The following SGCD variants were observed in gnomAD, a reference collection of about 807,000 sequenced individuals.
SGCD encodes the protein sarcoglycan delta, also known as delta-sarcoglycan.
A neutral mutation model predicts 36.6 loss-of-function variants in SGCD; 18 were observed. The ratio of observed to expected loss-of-function variants is 0.49; its 90% CI spans 0.34 to 0.73. The LOEUF (loss-of-function observed/expected upper bound fraction) is 0.73, where lower values mean the gene tolerates loss of function less well. Among genes scored for constraint, SGCD ranks in the 30% least tolerant of loss-of-function variants. The pLI is 0.01. For missense variants in SGCD, 387 were observed against 346.7 expected, an observed-to-expected ratio of 1.12 and a Z score of -0.92; for synonymous variants, 133 against 130.6, an observed-to-expected ratio of 1.02 and a Z score of -0.12.
At position 156,083,773 on chromosome 5, in the gene SGCD, GT is replaced by G. The variant is rs572912826; in HGVS notation, c.-281-34095del. ...GTGTAAAGTGTGAGCTTTAGATCAG[GT>G]TTTTTTTTTGTTTTGTTTTTGTTTT... On this transcript the variant is annotated intron_variant, in intron 1 of 9. Transcript: ENST00000517913. 2.1e-3 allele frequency among the ~76,000 whole-genome samples: 314 copies of G among 147,328 alleles called. 2 individuals are homozygous for G. Among genetic ancestry groups the G allele is most frequent in the African/African-American group, 6.8e-3 (273 of 40,312 alleles).
the SGCD span, among the ~76,000 whole-genome samples, chr5:155,732,356 G>A: frequency 1.5e-3 from 235 of 152,328 alleles, no homozygotes; most frequent in Middle Eastern, 0.01. Flanking sequence ...GAGTCCAGGC[G>A]TGGTTGACTT....
chr5:156,191,919 GCAAAAACAAAAA>G (rs1364427759), intron 3 of SGCD, among the ~76,000 whole-genome samples: 1 of 152,034 alleles, frequency 6.6e-6, no homozygotes, highest in Non-Finnish European at 1.5e-5. Flanking sequence ...CTGTTGAAAA[GCAAAAACAAAAA>G]CAAAAACAAA....
chr5:156,069,437 T>C (rs1049868855), intron 1 of SGCD, among the ~76,000 whole-genome samples: 2 of 152,240 alleles, frequency 1.3e-5, no homozygotes, highest in South Asian at 4.1e-4. Flanking sequence ...TAGTTGTAGA[T>C]ATGTGGCGTT....
chr5:156,379,280 G>A (rs1346779332), intron 3 of SGCD, among the ~76,000 whole-genome samples: 2 of 152,266 alleles, frequency 1.3e-5, no homozygotes, highest in East Asian at 3.9e-4. Context: ...TGTCATTGGA[G>A]GATTAGAGTT....
chr5:156,242,861 A>G (rs1049531041), intron 3 of SGCD, among the ~76,000 whole-genome samples: 6 of 152,140 alleles, frequency 3.9e-5, no homozygotes, highest in African/African-American at 1.4e-4. Flanking sequence ...TTCTGCACAG[A>G]ATCCCAGAAC....
intron 3 of SGCD, among the ~76,000 whole-genome samples, chr5:156,498,146 C>T (rs938917247): frequency 1.3e-5 from 2 of 151,940 alleles, no homozygotes; most frequent in Non-Finnish European, 2.9e-5. Flanking sequence ...ACCTCTTTCC[C>T]CAAGCACTTA....
At chr5:156,496,998 A>T (rs886098133) in intron 3 of SGCD, among the ~76,000 whole-genome samples, 4 of 152,126 alleles carry the variant, frequency 2.6e-5, no homozygotes, top group African/African-American at 4.8e-5. Context: ...CTCAATTTAG[A>T]AGTTAGAATT....
At chr5:156,194,306 G>A (rs1286424457) in intron 3 of SGCD, among the ~76,000 whole-genome samples, 2 of 152,164 alleles carry the variant, frequency 1.3e-5, no homozygotes, top group African/African-American at 4.8e-5. Flanking sequence ...TTGGGCCTGG[G>A]AGGTAGAGGT....
At chr5:156,116,881 T>C (rs1761917880) in intron 1 of SGCD, among the ~76,000 whole-genome samples, 1 of 152,082 alleles carries the variant, frequency 6.6e-6, no homozygotes, top group Non-Finnish European at 1.5e-5. Context: ...GTGCCAATAA[T>C]GATGATAGTC....
intron 6 of SGCD, among the ~76,000 whole-genome samples, chr5:156,616,629 T>G (rs1014823687): frequency 6.6e-6 from 1 of 152,166 alleles, no homozygotes; most frequent in African/African-American, 2.4e-5. Flanking sequence ...CTCCTAACAT[T>G]TTTACTTACT....
At chr5:156,393,832 G>T (rs912430821) in intron 3 of SGCD, 2 of 456,180 alleles carry the variant, frequency 4.4e-6, no homozygotes, top group Non-Finnish European at 8.8e-6. Flanking sequence ...CCAGGAGCCA[G>T]GTGACTCAGA....
chr5:156,277,383 GT>G (rs1455992087), intron 3 of SGCD, among the ~76,000 whole-genome samples: 4 of 152,150 alleles, frequency 2.6e-5, no homozygotes, highest in African/African-American at 4.8e-5. Flanking sequence ...GGAGCTTGAA[GT>G]TTTGCCGATG....
chr5:156,322,183 C>T (rs554720551), upstream of SGCD, among the ~76,000 whole-genome samples: 3 of 152,264 alleles, frequency 2.0e-5, no homozygotes, highest in African/African-American at 7.2e-5. Flanking sequence ...GATAAATGTA[C>T]GAATGGCTTA....
intron 3 of SGCD, among the ~76,000 whole-genome samples, chr5:156,142,680 AC>A (rs1399215867): frequency 6.6e-6 from 1 of 152,172 alleles, no homozygotes; most frequent in Non-Finnish European, 1.5e-5. Context: ...GATCTGTGGA[AC>A]TTTGAATTTG....
upstream of SGCD, among the ~76,000 whole-genome samples, chr5:155,869,187 G>A (rs1755583070): frequency 6.6e-6 from 1 of 152,040 alleles, no homozygotes; most frequent in Non-Finnish European, 1.5e-5. Flanking sequence ...TCCCTTTCTT[G>A]TCTTTTCTTT....
chr5:156,191,591 A>G (rs1763896894), intron 3 of SGCD, among the ~76,000 whole-genome samples: 2 of 152,114 alleles, frequency 1.3e-5, no homozygotes, highest in Non-Finnish European at 2.9e-5. Flanking sequence ...TCCCCCTACT[A>G]CTTATTTCCT....
chr5:156,735,528 G>A (rs960605151), intron 7 of SGCD, among the ~76,000 whole-genome samples: 1 of 152,174 alleles, frequency 6.6e-6, no homozygotes, highest in Non-Finnish European at 1.5e-5. Context: ...GTCTTGCTAT[G>A]TTTTTGTAGA....
chr5:156,212,768 C>A, intron 3 of SGCD, among the ~76,000 whole-genome samples: 1 of 152,040 alleles, frequency 6.6e-6, no homozygotes, highest in East Asian at 1.9e-4. Context: ...AGTCTTAATG[C>A]ATTTAAGAAG....
intron 4 of SGCD, among the ~76,000 whole-genome samples, chr5:156,565,722 G>A (rs979846738): frequency 3.3e-5 from 5 of 149,900 alleles, no homozygotes; most frequent in African/African-American, 4.9e-5. Context: ...ACAGGACCCC[G>A]TGTGTGATGT....
Sources: gnomAD v4.1 joint callset for allele counts (sites outside exome capture counted in the v4.1 genomes callset) on GRCh38, gnomAD v4.1.1 for gene constraint, MANE v1.5 for transcripts, NCBI Gene and HGNC (gene_info 2026-07-23, HGNC 2026-07-21) for gene names.